Variants in KIF6 observed in about 807,000 individuals in gnomAD.
The protein encoded by KIF6 is kinesin family member 6, also known as kinesin-like protein KIF6.
Under a neutral mutation model 112.7 loss-of-function variants are expected in KIF6, and 106 were observed. The observed-to-expected ratio is 0.94, with a 90% CI of 0.80 to 1.11. The LOEUF is 1.11. Among genes scored for constraint, KIF6 ranks in the 50% least tolerant of loss-of-function variants. KIF6 has a pLI of 0.00. For missense variants in KIF6, 929 were observed against 964.0 expected (o/e 0.96, Z 0.48); for synonymous variants, 339 against 339.9 (o/e 1.00, Z 0.03).
At chr6:39,466,272 A>G (rs1773783588) in intron 13 of KIF6, among the ~76,000 whole-genome samples, 1 of 151,970 alleles carries the variant, frequency 6.6e-6, no homozygotes, top group Non-Finnish European at 1.5e-5. Flanking sequence ...TCCTTCAAAC[A>G]CCGGCTGCCA....
At chr6:39,628,610 C>G (rs1009951760) in intron 5 of KIF6, among the ~76,000 whole-genome samples, 1 of 152,106 alleles carries the variant, frequency 6.6e-6, no homozygotes, top group South Asian at 2.1e-4. Context: ...TTTTACTCAA[C>G]ATATTTCCCT....
intron 9 of KIF6, chr6:39,583,437 G>C (rs1266227428): frequency 2.1e-6 from 1 of 471,570 alleles, no homozygotes; most frequent in Non-Finnish European, 4.4e-6. Flanking sequence ...CTCACTCATT[G>C]GTTTCTGCAG....
At chr6:39,674,286 C>A (rs944135424) in intron 3 of KIF6, among the ~76,000 whole-genome samples, 4 of 152,140 alleles carry the variant, frequency 2.6e-5, no homozygotes, top group Non-Finnish European at 5.9e-5. Context: ...ACTGGTATGT[C>A]TATGACTTAG....
chr6:39,390,048 A>AAAAAAAAAAAAAAAAAAAAAG (rs1258761315), intron 15 of KIF6, among the ~76,000 whole-genome samples: 2 of 137,278 alleles, frequency 1.5e-5, no homozygotes, highest in African/African-American at 3.1e-5. Flanking sequence ...AAAAAAAAAA[A>AAAAAAAAAAAAAAAAAAAAAG]AAAAGGAAAT....
intron 13 of KIF6, among the ~76,000 whole-genome samples, chr6:39,445,449 C>A (rs1772249704): frequency 6.6e-6 from 1 of 152,148 alleles, no homozygotes; most frequent in Admixed American, 6.5e-5. Flanking sequence ...TGAAACAGAC[C>A]ATCTGTTAAT....
At chr6:39,604,102 A>G (rs921835803) in intron 6 of KIF6, among the ~76,000 whole-genome samples, 55 of 152,208 alleles carry the variant, frequency 3.6e-4, no homozygotes, top group African/African-American at 1.1e-3. Flanking sequence ...GTCTGATAAC[A>G]CTTTCTACAC....
intron 13 of KIF6, among the ~76,000 whole-genome samples, chr6:39,513,347 C>G (rs1582022038): frequency 6.6e-6 from 1 of 152,184 alleles, no homozygotes; most frequent in Admixed American, 6.5e-5. Context: ...TAATGGCAGG[C>G]TGATTACTTC....
chr6:39,677,097 A>G (rs1172118249), intron 3 of KIF6, among the ~76,000 whole-genome samples: 1 of 152,118 alleles, frequency 6.6e-6, no homozygotes, highest in East Asian at 1.9e-4. Flanking sequence ...TGATTACTGA[A>G]TGCTGGCCCA....
At chr6:39,385,492 A>G in intron 16 of KIF6, 130 bp downstream of exon 16, 1 of 738,400 alleles carries the variant, frequency 1.4e-6, no homozygotes, top group Non-Finnish European at 2.4e-6. Flanking sequence ...CTGTGTGGAT[A>G]GCAACCCTTG....
intron 6 of KIF6, among the ~76,000 whole-genome samples, chr6:39,605,606 T>C (rs1207521332): frequency 2.0e-5 from 3 of 152,078 alleles, no homozygotes; most frequent in Non-Finnish European, 4.4e-5. Flanking sequence ...AAAAAAAATA[T>C]ATACTGTGAA....
intron 12 of KIF6, among the ~76,000 whole-genome samples, chr6:39,541,199 A>G (rs1200980806): frequency 2.0e-5 from 3 of 152,182 alleles, no homozygotes; most frequent in Admixed American, 2.0e-4. Context: ...TACCCAGATG[A>G]TATTTATTCT....
intron 16 of KIF6, among the ~76,000 whole-genome samples, chr6:39,363,445 G>C (rs147377548): frequency 6.6e-6 from 1 of 151,952 alleles, no homozygotes; most frequent in African/African-American, 2.4e-5. Flanking sequence ...GTGTGTCTGC[G>C]TCCCTGCTGA....
At chr6:39,552,947 G>C (rs986077422) in intron 10 of KIF6, among the ~76,000 whole-genome samples, 1 of 152,112 alleles carries the variant, frequency 6.6e-6, no homozygotes, top group Non-Finnish European at 1.5e-5. Flanking sequence ...AAAGCTGAAG[G>C]CTGAGATTGT....
chr6:39,362,590 G>A (rs1447881292), intron 16 of KIF6, 72 bp from the exon 17 acceptor site: 2 of 1,182,610 alleles, frequency 1.7e-6, no homozygotes, highest in Non-Finnish European at 2.5e-6. Flanking sequence ...TTGGGCAGAT[G>A]ACAGAGTTCA....
At chr6:39,350,800 C>A (rs563061426) in intron 19 of KIF6, among the ~76,000 whole-genome samples, 3 of 152,196 alleles carry the variant, frequency 2.0e-5, no homozygotes, top group Non-Finnish European at 4.4e-5. Context: ...CAGTCTCTGG[C>A]GGGGTTACTT....
intron 5 of KIF6, among the ~76,000 whole-genome samples, chr6:39,630,900 A>C (rs1336863489): frequency 6.6e-6 from 1 of 151,982 alleles, no homozygotes; most frequent in Non-Finnish European, 1.5e-5. Context: ...GATTTTGTCA[A>C]ATTTTTTTCT....
chr6:39,396,374 G>C (rs1005405996), intron 15 of KIF6, among the ~76,000 whole-genome samples: 1 of 152,192 alleles, frequency 6.6e-6, no homozygotes, highest in African/African-American at 2.4e-5. Flanking sequence ...GGATACATTA[G>C]TGCATCTCAG....
chr6:39,667,149 G>A (rs1458259169), intron 3 of KIF6, among the ~76,000 whole-genome samples: 2 of 152,126 alleles, frequency 1.3e-5, no homozygotes, highest in African/African-American at 2.4e-5. Flanking sequence ...TATTTACATA[G>A]ACAAATGAGA....
intron 3 of KIF6, among the ~76,000 whole-genome samples, chr6:39,689,645 C>A (rs778188565): frequency 1.3e-5 from 2 of 152,014 alleles, no homozygotes; most frequent in Non-Finnish European, 2.9e-5. Flanking sequence ...GTCACCCAGG[C>A]CCGTGCAGTG....
Sources: gnomAD v4.1 joint callset for allele counts (sites outside exome capture counted in the v4.1 genomes callset) on GRCh38, gnomAD v4.1.1 for gene constraint, MANE v1.5 for transcripts, NCBI Gene and HGNC (gene_info 2026-07-23, HGNC 2026-07-21) for gene names.